RABGAP1: variants seen among roughly 807,000 people sequenced by gnomAD.
RABGAP1 encodes the protein rab GTPase-activating protein 1.
In RABGAP1, 23 loss-of-function variants were observed where a neutral mutation model predicts 137.6. That is an observed-to-expected ratio of 0.17 (90% CI 0.12 to 0.24). RABGAP1 has a LOEUF of 0.24. Among genes scored for constraint, RABGAP1 ranks in the 10% least tolerant of loss-of-function variants. RABGAP1 has a pLI of 1.00. For synonymous variants in RABGAP1, 451 were observed against 450.7 expected (o/e 1.00, Z -0.01); for missense variants, 906 against 1,275.8 (o/e 0.71, Z 4.42).
chr9:123,088,826 A>G (rs1249052770), intron 19 of RABGAP1, among the ~76,000 whole-genome samples: 1 of 152,224 alleles, frequency 6.6e-6, no homozygotes, highest in East Asian at 1.9e-4. Context: ...AAGGGAGAAA[A>G]GATTTTCTAG....
intron 19 of RABGAP1, among the ~76,000 whole-genome samples, chr9:123,084,241 T>A (rs1022166029): frequency 1.3e-5 from 2 of 152,228 alleles, no homozygotes; most frequent in African/African-American, 4.8e-5. Context: ...CCTGAGTAAA[T>A]CTCAGGTTCT....
At chr9:122,948,042 A>AACACACACACACACACACACAC (rs55683114) in intron 1 of RABGAP1, among the ~76,000 whole-genome samples, 1 of 145,958 alleles carries the variant, frequency 6.9e-6, no homozygotes, top group African/African-American at 2.6e-5. Context: ...GAGCCAGGAA[A>AACACACACACACACACACACAC]ACACACACAC....
intron 13 of RABGAP1, among the ~76,000 whole-genome samples, chr9:123,024,742 A>G (rs1037030652): frequency 1.1e-4 from 17 of 152,140 alleles, no homozygotes; most frequent in Non-Finnish European, 2.9e-5. Flanking sequence ...GTGGCCTAGC[A>G]TATCTTTAGT....
chr9:123,092,033 G>C (rs2035046807), intron 21 of RABGAP1, among the ~76,000 whole-genome samples: 1 of 151,904 alleles, frequency 6.6e-6, no homozygotes. Context: ...CATGCAGAAA[G>C]GAGGAAAAAA....
intron 13 of RABGAP1, chr9:123,029,369 G>C: frequency 1.0e-6 from 1 of 999,260 alleles, no homozygotes; most frequent in Non-Finnish European, 1.6e-6. Flanking sequence ...AGAGTTGCTT[G>C]GACCTGTTCA....
intron 2 of RABGAP1, among the ~76,000 whole-genome samples, chr9:122,970,519 T>G (rs561260384): frequency 1.3e-5 from 2 of 152,346 alleles, no homozygotes; most frequent in Admixed American, 1.3e-4. Context: ...AAATGTATAT[T>G]ACATGATTCT....
chr9:123,015,142 C>G (rs537559740), intron 11 of RABGAP1, among the ~76,000 whole-genome samples: 103 of 152,280 alleles, frequency 6.8e-4, no homozygotes, highest in African/African-American at 2.2e-3. Context: ...CAACCATTCT[C>G]TACTCCTATT....
chr9:122,950,377 C>CTTTTTTTTTTTTTTTTTTTTTTTTTTGTT (rs200424486), intron 1 of RABGAP1, among the ~76,000 whole-genome samples: 1 of 74,490 alleles, frequency 1.3e-5, no homozygotes, highest in African/African-American at 5.3e-5. Flanking sequence ...CTTTTTCTTT[C>CTTTTTTTTTTTTTTTTTTTTTTTTTTGTT]TTTTTTTTTT....
intron 4 of RABGAP1, among the ~76,000 whole-genome samples, chr9:122,987,303 AT>A (rs902690786): frequency 2.9e-4 from 44 of 152,182 alleles, no homozygotes; most frequent in African/African-American, 7.5e-4. Context: ...GGTAAAATAA[AT>A]TTTTTTTCCC....
At chr9:123,023,938 A>G (rs1444230234) in intron 13 of RABGAP1, among the ~76,000 whole-genome samples, 1 of 151,810 alleles carries the variant, frequency 6.6e-6, no homozygotes, top group East Asian at 1.9e-4. Flanking sequence ...GACTTGATTT[A>G]TAGAGTGAAG....
upstream of RABGAP1, among the ~76,000 whole-genome samples, chr9:122,935,863 G>A (rs1009445286): frequency 1.3e-5 from 2 of 152,048 alleles, no homozygotes; most frequent in Admixed American, 6.6e-5. Context: ...TGGTGGTAAC[G>A]AACTCCCTTG....
At chr9:123,035,211 C>G (rs769300143) in intron 13 of RABGAP1, 1 of 1,614,180 alleles carries the variant, frequency 6.2e-7, no homozygotes, top group East Asian at 2.2e-5. Flanking sequence ...TCAACATCTT[C>G]CGCATCTGCC....
the RABGAP1 span, among the ~76,000 whole-genome samples, chr9:122,935,592 C>T: frequency 1.3e-5 from 2 of 152,152 alleles, no homozygotes; most frequent in Admixed American, 6.5e-5. Context: ...CCACCCACCT[C>T]GGCCTCCCAA....
At chr9:122,962,076 A>G (rs1834883834) in intron 2 of RABGAP1, among the ~76,000 whole-genome samples, 1 of 152,214 alleles carries the variant, frequency 6.6e-6, no homozygotes, top group Admixed American at 6.5e-5. Context: ...TCTAACATTT[A>G]TAGATATAAT....
At chr9:122,950,980 G>A (rs1295551182) in intron 1 of RABGAP1, among the ~76,000 whole-genome samples, 3 of 152,184 alleles carry the variant, frequency 2.0e-5, no homozygotes, top group Admixed American at 6.5e-5. Flanking sequence ...ATTTACTTCA[G>A]CAGGTGGAAG....
At chr9:123,082,378 A>G (rs995761320) in intron 19 of RABGAP1, among the ~76,000 whole-genome samples, 1 of 152,218 alleles carries the variant, frequency 6.6e-6, no homozygotes, top group African/African-American at 2.4e-5. Context: ...TTCCATTCTA[A>G]ATAGATTATT....
rs1236807661 is a variant in RABGAP1, at chr9:123,057,064, G to A, written c.1795-8284G>A. On this transcript the variant is annotated intron_variant, in intron 13 of 25. Coordinates refer to ENST00000373647, the MANE Select transcript of RABGAP1 (RefSeq NM_012197.4). ...CCAGTAGGGGCGGCCGGGCAGAGGC[G>A]CCCCTCACCTCCCGGACGGGGCGGC... is the stretch of plus-strand genomic sequence containing the variant. Among the ~76,000 whole-genome samples, 45 of 151,508 alleles carry A rather than the reference G, an allele frequency of 3.0e-4. 1 individual carries two copies. The highest frequency in any genetic ancestry group is 8.3e-4 in the South Asian group (4 of 4,792).
intron 13 of RABGAP1, among the ~76,000 whole-genome samples, chr9:123,039,263 C>G (rs2032829718): frequency 6.6e-6 from 1 of 152,080 alleles, no homozygotes; most frequent in African/African-American, 2.4e-5. Context: ...ATGACAGTAG[C>G]CTTGAATTCA....
intron 4 of RABGAP1, among the ~76,000 whole-genome samples, chr9:122,987,195 G>A (rs1304244095): frequency 6.6e-6 from 1 of 152,148 alleles, no homozygotes; most frequent in South Asian, 2.1e-4. Flanking sequence ...GCCTCTAGCT[G>A]TTTATACTAA....
Sources: gnomAD v4.1 joint callset for allele counts (sites outside exome capture counted in the v4.1 genomes callset) on GRCh38, gnomAD v4.1.1 for gene constraint, MANE v1.5 for transcripts, NCBI Gene and HGNC (gene_info 2026-07-23, HGNC 2026-07-21) for gene names.